TJP2: variants seen among roughly 807,000 people sequenced by gnomAD.
The protein encoded by TJP2 is tight junction protein 2.
A neutral mutation model predicts 133.1 loss-of-function variants in TJP2; 91 were observed. The ratio of observed to expected loss-of-function variants is 0.68; its 90% CI spans 0.58 to 0.81. The LOEUF (loss-of-function observed/expected upper bound fraction) is 0.81, where lower values mean the gene tolerates loss of function less well. TJP2 is among the 40% of genes least tolerant of loss of function. TJP2 has a pLI of 0.00. For synonymous variants in TJP2, 592 were observed against 583.4 expected (o/e 1.01, Z -0.21); for missense variants, 1,541 against 1,565.6 (o/e 0.98, Z 0.26).
intron 1 of TJP2, among the ~76,000 whole-genome samples, chr9:69,139,805 T>C (rs73647087): frequency 0.019 from 2,880 of 152,214 alleles, 98 homozygotes; most frequent in African/African-American, 0.065. Flanking sequence ...GGCCGTGTCT[T>C]CTAGGTTTAC....
intron 22 of TJP2, 136 bp from the exon 23 acceptor site, chr9:69,254,073 T>G: frequency 9.9e-7 from 1 of 1,011,598 alleles, no homozygotes. Context: ...GATGCCCTGG[T>G]TGCTCTGCAG....
intron 1 of TJP2, among the ~76,000 whole-genome samples, chr9:69,137,974 G>A (rs561861139): frequency 9.2e-5 from 14 of 152,278 alleles, no homozygotes; most frequent in African/African-American, 3.1e-4. Flanking sequence ...CACAGGGTTA[G>A]TATAGAATTG....
chr9:69,136,622 T>C (rs1467403016), intron 1 of TJP2, among the ~76,000 whole-genome samples: 8 of 152,240 alleles, frequency 5.3e-5, no homozygotes, highest in South Asian at 4.1e-4. Context: ...TTTGCGGTGT[T>C]TCTGGATCTT....
chr9:69,251,401 T>G (rs200938377), intron 21 of TJP2, 37 bp downstream of exon 21: 1 of 1,592,690 alleles, frequency 6.3e-7, no homozygotes, highest in Non-Finnish European at 8.5e-7. Flanking sequence ...CAATAAGAGT[T>G]TTAAATAAGT....
At chr9:69,147,498 T>C (rs547177535) in intron 1 of TJP2, among the ~76,000 whole-genome samples, 4 of 152,322 alleles carry the variant, frequency 2.6e-5, no homozygotes, top group South Asian at 4.1e-4. Flanking sequence ...CTCAGCCTCA[T>C]TGGAGTCATC....
upstream of TJP2, among the ~76,000 whole-genome samples, chr9:69,170,304 A>AT (rs933537703): frequency 2.0e-5 from 3 of 151,976 alleles, no homozygotes; most frequent in South Asian, 2.1e-4. Flanking sequence ...TCCAGTTTTT[A>AT]TTTTTTTTAT....
rs747465781 is a variant in TJP2, at chr9:69,174,401, C to T, written c.29C>T (p.Pro10Leu). MPVRGDRGF[P>L]PRRELSGWLR... ...CCGGTGCGAGGAGACCGCGGGTTTC[C>T]ACCCCGGCGGGAGCTGTCAGGTTGG... Residue 10 changes from proline (P) to leucine (L), a missense_variant, in exon 1 of 23, where the codon CCA (proline) becomes CTA (leucine). Pro to Leu is a moderately conservative substitution (Grantham distance 98). Coordinates refer to ENST00000377245, the MANE Select transcript of TJP2 (RefSeq NM_004817.4). The T allele has an allele frequency of 8.2e-5, 128 of 1,551,834 alleles. No homozygotes were observed. Among genetic ancestry groups the T allele is most frequent in the Non-Finnish European group, 1.1e-4 (122 of 1,147,166 alleles).
At chr9:69,158,862 TCACTC>T (rs888702579) in intron 2 of TJP2, among the ~76,000 whole-genome samples, 4 of 152,198 alleles carry the variant, frequency 2.6e-5, no homozygotes, top group Admixed American at 1.3e-4. Flanking sequence ...TTTTGATTCT[TCACTC>T]ATATCAGTTG....
chr9:69,133,993 G>A (rs138712425), intron 1 of TJP2, among the ~76,000 whole-genome samples: 12 of 103,212 alleles, frequency 1.2e-4, no homozygotes, highest in African/African-American at 4.4e-4. Flanking sequence ...CCCAAGCCAA[G>A]TCCCTCGGAC....
intron 1 of TJP2, among the ~76,000 whole-genome samples, chr9:69,191,185 G>A (rs542340637): frequency 2.6e-5 from 4 of 152,340 alleles, no homozygotes; most frequent in African/African-American, 9.6e-5. Context: ...GATAACAAGG[G>A]CCACTTGAGA....
At chr9:69,183,554 C>CTG (rs905858691) in intron 1 of TJP2, among the ~76,000 whole-genome samples, 16 of 152,164 alleles carry the variant, frequency 1.1e-4, no homozygotes, top group African/African-American at 2.9e-4. Context: ...TTATATGCAT[C>CTG]TGTCACATTT....
At chr9:69,184,263 G>A (rs1825700478) in intron 1 of TJP2, among the ~76,000 whole-genome samples, 1 of 152,192 alleles carries the variant, frequency 6.6e-6, no homozygotes, top group African/African-American at 2.4e-5. Flanking sequence ...CAAAGAAAAG[G>A]CGAGATGCGC....
intron 1 of TJP2, among the ~76,000 whole-genome samples, chr9:69,190,691 C>T (rs1826146641): frequency 2.6e-5 from 4 of 152,150 alleles, no homozygotes; most frequent in South Asian, 4.1e-4. Flanking sequence ...TACCAGCACC[C>T]GTGTGAGCCC....
chr9:69,234,398 C>CTTTCT (rs1480633829), intron 11 of TJP2, 41 bp from the exon 12 acceptor site: 1,129 of 979,200 alleles, frequency 1.2e-3, no homozygotes, highest in South Asian at 3.8e-3. Context: ...TTCTTTCTTT[C>CTTTCT]TTTTTTTTTT....
chr9:69,205,382 G>C, intron 1 of TJP2: 2 of 1,450,686 alleles, frequency 1.4e-6, no homozygotes, highest in Non-Finnish European at 1.8e-6. Flanking sequence ...TGAGATTGTA[G>C]GTTGTAGTCA....
chr9:69,199,145 G>C (rs1295683010), intron 1 of TJP2, among the ~76,000 whole-genome samples: 1 of 151,066 alleles, frequency 6.6e-6, no homozygotes, highest in African/African-American at 2.4e-5. Flanking sequence ...TCTGGAGGTA[G>C]GTTTACCTAC....
At chr9:69,232,070 A>G (rs1276528847) in intron 11 of TJP2, among the ~76,000 whole-genome samples, 1 of 152,128 alleles carries the variant, frequency 6.6e-6, no homozygotes, top group Non-Finnish European at 1.5e-5. Flanking sequence ...TTGTTGTTAG[A>G]TGGGGAGAGT....
chr9:69,157,046 G>A (rs1823807386), intron 2 of TJP2, among the ~76,000 whole-genome samples: 1 of 152,184 alleles, frequency 6.6e-6, no homozygotes, highest in Non-Finnish European at 1.5e-5. Flanking sequence ...GGAGGGGTAT[G>A]ATGGGGCATG....
intron 1 of TJP2, among the ~76,000 whole-genome samples, chr9:69,185,164 C>T (rs955569344): frequency 6.6e-6 from 1 of 151,138 alleles, no homozygotes; most frequent in Non-Finnish European, 1.5e-5. Context: ...CGGATTCAAG[C>T]AATTCTCCTG....
Sources: allele counts gnomAD v4.1 joint callset (sites outside exome capture counted in the v4.1 genomes callset), GRCh38; gene constraint gnomAD v4.1.1; transcripts MANE v1.5; gene names NCBI Gene and HGNC (gene_info 2026-07-23, HGNC 2026-07-21).